The following MVB12A variants were observed in gnomAD, a reference collection of about 807,000 sequenced individuals.
The protein encoded by MVB12A is CIN85/CD2AP family binding protein.
A neutral mutation model predicts 34.3 loss-of-function variants in MVB12A; 30 were observed. The ratio of observed to expected loss-of-function variants is 0.88; its 90% CI spans 0.65 to 1.19. The LOEUF (loss-of-function observed/expected upper bound fraction) is 1.19. Ranked by LOEUF, MVB12A falls within the 50% of genes most tolerant of loss-of-function variation. The pLI is 0.00. For synonymous variants in MVB12A, 158 were observed against 158.9 expected (o/e 0.99, Z 0.04); for missense variants, 355 against 369.2 (o/e 0.96, Z 0.31).
In MVB12A at chr19:17,422,424, A is replaced by C; in HGVS notation, c.379A>C (p.Lys127Gln). 1 of 1,613,340 alleles carries C rather than the reference A, an allele frequency of 6.2e-7. No individual in the cohort carries two copies. The highest frequency in any genetic ancestry group is 8.5e-7 in the Non-Finnish European group (1 of 1,179,606). Residue 127 changes from lysine to glutamine, a missense_variant, in exon 4 of 9, where the codon AAG becomes CAG. By Grantham distance (53) the Lys-to-Gln change is moderately conservative. Coordinates refer to ENST00000317040, the MANE Select transcript of MVB12A (RefSeq NM_138401.4). ...TGTGTTTGATGTCCGGCTGAGTGGG[A>C]AGACCAAGACAGTGCCTGGATACCT... is the stretch of plus-strand genomic sequence containing the variant. ...TAVFDVRLSG[K>Q]TKTVPGYLRI...
intron 2 of MVB12A, chr19:17,415,028 A>C (rs114488694): frequency 0.04 from 6,143 of 152,246 alleles, 303 homozygotes; most frequent in African/African-American, 0.12. Context: ...GCCTGTACTA[A>C]AAATACAAAA....
intron 7 of MVB12A, 61 bp from the exon 8 acceptor site, chr19:17,424,560 C>A: frequency 3.2e-6 from 5 of 1,567,824 alleles, no homozygotes; most frequent in Non-Finnish European, 4.3e-6. Context: ...CCCTTGAAGA[C>A]GAAGGAAAGG....
At chr19:17,424,143 G>A in intron 7 of MVB12A, 76 bp downstream of exon 7, 1 of 1,435,286 alleles carries the variant, frequency 7.0e-7, no homozygotes, top group Non-Finnish European at 9.8e-7. Context: ...CCTGTATCCA[G>A]TGCCCCAGCA....
At position 17,425,215 on chromosome 19, in the gene MVB12A, C is replaced by T. The variant is rs1409635620; in HGVS notation, c.*222C>T. On this transcript the variant is annotated 3_prime_UTR_variant, in exon 9 of 9. Coordinates refer to ENST00000317040, the MANE Select transcript of MVB12A (RefSeq NM_138401.4). ...TGGGGTCTCCGCCCCCACGCCCTGCCGGGCAGGGCTGGAGCTGGACAGAAG... is the reference window on the plus strand; with the variant it reads ...TGGGGTCTCCGCCCCCACGCCCTGCTGGGCAGGGCTGGAGCTGGACAGAAG... The T allele has an allele frequency of 7.6e-6, 4 of 524,670 alleles. No individual in the cohort carries two copies. Among genetic ancestry groups the T allele is most frequent in the South Asian group, 5.3e-5 (2 of 37,968 alleles). 32.5% of individuals were successfully genotyped at this position (524,670 alleles called of 1,614,324 possible). A position where few individuals can be genotyped will look rare whatever the true frequency, so the allele number is the denominator to read the frequency against.
At chr19:17,412,900 A>G (rs1425687524) in intron 2 of MVB12A, among the ~76,000 whole-genome samples, 5 of 152,180 alleles carry the variant, frequency 3.3e-5, no homozygotes, top group Admixed American at 2.6e-4. Context: ...CAGTGCTGTC[A>G]GGATGAAATT....
upstream of MVB12A, chr19:17,417,667 A>T (rs2032408466): frequency 6.6e-6 from 1 of 152,080 alleles, no homozygotes; most frequent in African/African-American, 2.4e-5. Flanking sequence ...TAAATAAAAT[A>T]AAAAATAAGA....
chr19:17,420,873 C>A, intron 3 of MVB12A: 1 of 671,086 alleles, frequency 1.5e-6, no homozygotes, highest in South Asian at 1.6e-5. Context: ...TCAGTCCACG[C>A]CACCTGTTTC....
chr19:17,411,422 A>C (rs1050732933), intron 2 of MVB12A, among the ~76,000 whole-genome samples: 3 of 151,712 alleles, frequency 2.0e-5, no homozygotes, highest in Non-Finnish European at 4.4e-5. Flanking sequence ...TGGTGTGATC[A>C]TAGCTCACTG....
upstream of MVB12A, chr19:17,418,738 A>G (rs1313242359): frequency 6.6e-6 from 1 of 151,604 alleles, no homozygotes; most frequent in African/African-American, 2.4e-5. Context: ...TCTTTCTTTC[A>G]TTTTAAACAC....
chr19:17,407,716 G>A (rs1198386760), intron 2 of MVB12A, among the ~76,000 whole-genome samples: 1 of 152,176 alleles, frequency 6.6e-6, no homozygotes, highest in Non-Finnish European at 1.5e-5. Context: ...ACAGGGAGAC[G>A]GTTAGGCTGC....
chr19:17,417,859 G>A (rs1254025162), upstream of MVB12A: 1 of 321,412 alleles, frequency 3.1e-6, no homozygotes, highest in Non-Finnish European at 6.2e-6. Flanking sequence ...GGAAAATTCT[G>A]CAAAATTGAC....
chr19:17,420,307 C>A lies in MVB12A; in HGVS notation c.91-6C>A. The A allele has an allele frequency of 6.3e-7, 1 of 1,590,922 alleles. No homozygotes were observed. The highest frequency in any genetic ancestry group is 8.6e-7 in the Non-Finnish European group (1 of 1,168,282). ...AGTCCGGCGCTGACCCGCGTCCTCC[C>A]GGTAGATCTCCTGCACCGTCGAGGG... On this transcript the variant is annotated splice_region_variant and splice_polypyrimidine_tract_variant and intron_variant, in intron 1 of 8. Coordinates refer to ENST00000317040, the MANE Select transcript of MVB12A (RefSeq NM_138401.4).
Position 17,423,525 on chromosome 19 carries a change from C to T in MVB12A, c.441C>T (p.Cys147=). Residue 147 remains cysteine, a synonymous_variant, in exon 5 of 9, where the codon TGC becomes TGT. Coordinates refer to ENST00000317040, the MANE Select transcript of MVB12A (RefSeq NM_138401.4). ...IGDMGGFAIW[C]KKAKAPRPVP... ...ACATGGGCGGCTTTGCCATCTGGTGCAAGAAGGCCAAGGCCCCGAGGCCAG... is the reference window on the plus strand; with the variant it reads ...ACATGGGCGGCTTTGCCATCTGGTGTAAGAAGGCCAAGGCCCCGAGGCCAG... 1.2e-6 allele frequency: 2 copies of T among 1,613,442 alleles called. No homozygotes were observed. The highest frequency in any genetic ancestry group is 2.2e-5 in the East Asian group (1 of 44,876).
intron 4 of MVB12A, 116 bp from the exon 5 acceptor site, chr19:17,423,382 T>A (rs62125188): frequency 4.2e-6 from 5 of 1,189,828 alleles, no homozygotes; most frequent in Non-Finnish European, 4.6e-6. Context: ...AAAAAAAAAT[T>A]CCCCCAAAAG....
chr19:17,422,353 A>G lies in MVB12A; in HGVS notation c.308A>G (p.Lys103Arg). ...CCAGAGGCCTCTGTGTCCAAGAAGA[A>G]ACGCATGTGTGTGAAGCTGTTGCCC... Reference protein sequence around the residue: ...MDSKASVSKKKRMCVKLLPLG... With the variant: ...MDSKASVSKKRRMCVKLLPLG... The change falls in exon 4 of 9, where the codon AAA (lysine) becomes AGA (arginine). Residue 103 changes from lysine to arginine, a missense_variant. Lys to Arg is a conservative substitution (Grantham distance 26). Transcript: ENST00000317040. The G allele has an allele frequency of 6.2e-7, 1 of 1,612,476 alleles. No individual in the cohort carries two copies. The highest frequency in any genetic ancestry group is 1.7e-5 in the Admixed American group (1 of 59,872).
exon 2 of MVB12A, chr19:17,406,226 T>C (rs1420230030): frequency 6.6e-6 from 1 of 152,164 alleles, no homozygotes; most frequent in Non-Finnish European, 1.5e-5. Flanking sequence ...AATGTCGGTC[T>C]CTGTCTTGGC....
intron 2 of MVB12A, chr19:17,414,424 G>A (rs889844298): frequency 1.3e-5 from 2 of 152,254 alleles, no homozygotes; most frequent in African/African-American, 4.8e-5. Flanking sequence ...GGAGGACCTC[G>A]TTCTTAGGCA....
intron 2 of MVB12A, chr19:17,406,498 G>T (rs566288540): frequency 2.2e-4 from 33 of 152,320 alleles, no homozygotes; most frequent in African/African-American, 7.2e-4. Context: ...CCACAGCCCA[G>T]ATTCTGTTAG....
At chr19:17,408,185 T>C (rs1316987614) in intron 2 of MVB12A, among the ~76,000 whole-genome samples, 3 of 152,118 alleles carry the variant, frequency 2.0e-5, no homozygotes, top group Non-Finnish European at 1.5e-5. Context: ...TATTTTATTA[T>C]ACTGGAACAG....
Sources: allele counts gnomAD v4.1 joint callset (sites outside exome capture counted in the v4.1 genomes callset), GRCh38; gene constraint gnomAD v4.1.1; transcripts MANE v1.5; gene names NCBI Gene and HGNC (gene_info 2026-07-23, HGNC 2026-07-21).